CLEC4A: variants seen among roughly 807,000 people sequenced by gnomAD.
CLEC4A encodes the protein C-type (calcium dependent, carbohydrate-recognition domain) lectin, superfamily member 6.
CLEC4A carries 27 observed loss-of-function variants against 32.7 expected under a neutral mutation model. The ratio of observed to expected loss-of-function variants is 0.83; its 90% CI spans 0.61 to 1.14. The LOEUF is 1.14. CLEC4A is among the 50% of genes most tolerant of loss of function. The pLI, the probability that CLEC4A is intolerant of heterozygous loss-of-function variation, is 0.00. For synonymous variants in CLEC4A, 89 were observed against 93.7 expected, an observed-to-expected ratio of 0.95 and a Z score of 0.29; for missense variants, 253 against 274.6, an observed-to-expected ratio of 0.92 and a Z score of 0.55.
chr12:8,134,630 C>G (rs775225206), intron 3 of CLEC4A: 23 of 1,609,186 alleles, frequency 1.4e-5, no homozygotes, highest in Non-Finnish European at 2.0e-5. Context: ...GCCCACAGTA[C>G]GCCATCCCCC....
intron 2 of CLEC4A, among the ~76,000 whole-genome samples, chr12:8,125,879 T>G (rs1381795131): frequency 1.3e-5 from 2 of 152,250 alleles, no homozygotes; most frequent in Non-Finnish European, 2.9e-5. Context: ...ATGGAATCCC[T>G]TCTCATTTAG....
At chr12:8,129,520 T>C (rs1462104985) in intron 3 of CLEC4A, among the ~76,000 whole-genome samples, 158 bp downstream of exon 3, 3 of 152,214 alleles carry the variant, frequency 2.0e-5, no homozygotes, top group Admixed American at 6.5e-5. Context: ...ATGCTGGGCA[T>C]GGTGGCTCAC....
chr12:8,119,493 G>C (rs1947814224), upstream of CLEC4A, among the ~76,000 whole-genome samples: 1 of 152,124 alleles, frequency 6.6e-6, no homozygotes, highest in South Asian at 2.1e-4. Flanking sequence ...CAAAGTGCTG[G>C]GATTACAGGC....
At chr12:8,120,305 C>T (rs766982714), upstream of CLEC4A, among the ~76,000 whole-genome samples, 2 of 152,174 alleles carry the variant, frequency 1.3e-5, no homozygotes, top group Non-Finnish European at 2.9e-5. Context: ...TGGCCAGCCC[C>T]ACCCTGAATC....
At chr12:8,129,143 C>T in intron 2 of CLEC4A, 121 bp from the exon 3 acceptor site, 1 of 615,188 alleles carries the variant, frequency 1.6e-6, no homozygotes, top group South Asian at 2.0e-5. Context: ...AATCTTTTCC[C>T]TCTACTCCAG....
chr12:8,120,161 C>G (rs1297360189), upstream of CLEC4A, among the ~76,000 whole-genome samples: 1 of 152,064 alleles, frequency 6.6e-6, no homozygotes, highest in Non-Finnish European at 1.5e-5. Flanking sequence ...TTACTGGGGT[C>G]CATTATGTAG....
chr12:8,133,995 G>A, intron 3 of CLEC4A: 3 of 1,607,250 alleles, frequency 1.9e-6, no homozygotes, highest in Non-Finnish European at 2.5e-6. Flanking sequence ...CTGCTTGATC[G>A]CTTGCCCTTC....
chr12:8,129,314 C>T lies in CLEC4A; in HGVS notation c.250C>T (p.Leu84=), dbSNP rs149587652. Residue 84 remains leucine, a synonymous_variant, in exon 3 of 6, where the codon CTG becomes TTG. Transcript: ENST00000229332. ...TCTTGAAAAAAAGACTACAAAAGAG[C>T]TGGTTCATACAACATTGGAGTGTGT... ...QLLEKKTTKE[L]VHTTLECVKK... 6.2e-7 allele frequency: 1 copy of T among 1,606,716 alleles called. No individual in the cohort carries two copies. Among genetic ancestry groups the T allele is most frequent in the Non-Finnish European group, 8.5e-7 (1 of 1,177,642 alleles).
At chr12:8,122,129 C>G (rs1947836291), upstream of CLEC4A, among the ~76,000 whole-genome samples, 1 of 151,892 alleles carries the variant, frequency 6.6e-6, no homozygotes, top group African/African-American at 2.4e-5. Context: ...GGATGGAGGA[C>G]CTGCATGGAG....
rs1229942721 is a variant in CLEC4A, at chr12:8,134,972, C to CGTTTTTTTTTTTTT, written c.299-607_299-606insTTTTTTTTGTTTTT. On this transcript the variant is annotated intron_variant, in intron 3 of 5. Transcript: ENST00000229332. The stretch of plus-strand genomic sequence containing the variant: ...GCATGTCTGTATCTTCTTGTTGAAG[C>CGTTTTTTTTTTTTT]GTTTTTGTTTTTTGTTTTTTTTTAA... 111 of 191,272 alleles carry CGTTTTTTTTTTTTT rather than the reference C, an allele frequency of 5.8e-4. 19 individuals carry two copies. Among genetic ancestry groups the CGTTTTTTTTTTTTT allele is most frequent in the African/African-American group, 1.2e-3 (14 of 11,580 alleles). The allele number at this position is 191,272 out of a possible 1,614,324, so 11.8% of individuals were successfully genotyped here.
intron 4 of CLEC4A, among the ~76,000 whole-genome samples, chr12:8,136,061 T>C (rs959536426): frequency 6.6e-6 from 1 of 152,228 alleles, no homozygotes; most frequent in Admixed American, 6.5e-5. Context: ...AGAAGAGGTA[T>C]TAAGTTGAAT....
rs372159958 is a variant in CLEC4A at position 8,136,354 on chromosome 12, C to T, written c.451-434C>T. 9.9e-5 allele frequency among the ~76,000 whole-genome samples: 15 copies of T among 152,200 alleles called. No individual in the cohort carries two copies. The South Asian group carries it at 2.7e-3, about 27-fold the overall frequency. On this transcript the variant is annotated intron_variant, in intron 4 of 5. Coordinates refer to ENST00000229332, the MANE Select transcript of CLEC4A (RefSeq NM_016184.4). ...CCAAGGCGGGCGGATCACTTGAGGC[C>T]GGGAGTTCAAGACCAGCTTGGCCAA...
At chr12:8,120,078 A>G (rs1947818817), upstream of CLEC4A, among the ~76,000 whole-genome samples, 1 of 152,214 alleles carries the variant, frequency 6.6e-6, no homozygotes, top group African/African-American at 2.4e-5. Context: ...TTGATATATC[A>G]CTTTCTTAGA....
intron 3 of CLEC4A, among the ~76,000 whole-genome samples, chr12:8,131,828 A>ATC (rs1193622654): frequency 6.6e-5 from 10 of 150,658 alleles, no homozygotes; most frequent in Non-Finnish European, 1.2e-4. Flanking sequence ...ATATATCTAT[A>ATC]TATATATATA....
At chr12:8,117,285 C>CT in the CLEC4A span, among the ~76,000 whole-genome samples, 1 of 151,158 alleles carries the variant, frequency 6.6e-6, no homozygotes, top group African/African-American at 2.4e-5. Context: ...GTTGCGCAGG[C>CT]TGGAGTGCAG....
At chr12:8,134,700 A>G in intron 3 of CLEC4A, 7 of 1,572,990 alleles carry the variant, frequency 4.5e-6, no homozygotes, top group Non-Finnish European at 6.0e-6. Context: ...GCCTGGCCCA[A>G]ACCCCGGCCC....
At chr12:8,134,414 G>A (rs1948055385) in intron 3 of CLEC4A, 3 of 1,613,880 alleles carry the variant, frequency 1.9e-6, no homozygotes, top group Non-Finnish European at 2.5e-6. Context: ...CAAATTGCTC[G>A]AGTTCTTTCT....
At chr12:8,112,291 T>C in the CLEC4A span, among the ~76,000 whole-genome samples, 1 of 152,172 alleles carries the variant, frequency 6.6e-6, no homozygotes, top group East Asian at 1.9e-4. Flanking sequence ...TGCGTGATGC[T>C]GAAGTTTGGG....
the CLEC4A span, among the ~76,000 whole-genome samples, chr12:8,103,449 T>C: frequency 2.1e-4 from 28 of 135,708 alleles, no homozygotes; most frequent in African/African-American, 7.3e-4. Flanking sequence ...GGCAGTGGCA[T>C]GATCTCGGCT....
Sources: allele counts gnomAD v4.1 joint callset (sites outside exome capture counted in the v4.1 genomes callset), GRCh38; gene constraint gnomAD v4.1.1; transcripts MANE v1.5; gene names NCBI Gene and HGNC (gene_info 2026-07-23, HGNC 2026-07-21).